CNTLN: variants seen among roughly 807,000 people sequenced by gnomAD.
CNTLN encodes the protein centlein, centrosomal protein.
Under a neutral mutation model 180.0 loss-of-function variants are expected in CNTLN, and 212 were observed. The ratio of observed to expected loss-of-function variants is 1.18; its 90% CI spans 1.05 to 1.32. CNTLN has a LOEUF of 1.32. Ranked by LOEUF, CNTLN falls within the 40% of genes most tolerant of loss-of-function variation. The pLI is 0.00. For synonymous variants in CNTLN, 722 were observed against 563.1 expected, an observed-to-expected ratio of 1.28 and a Z score of -3.99; for missense variants, 2,095 against 1,610.9, an observed-to-expected ratio of 1.30 and a Z score of -5.14.
chr9:17,266,835 G>C (rs151087057), intron 5 of CNTLN, among the ~76,000 whole-genome samples: 33 of 152,206 alleles, frequency 2.2e-4, no homozygotes, highest in African/African-American at 7.7e-4. Flanking sequence ...TTTGAAGTCT[G>C]TTTTATCAGA....
chr9:17,140,808 A>G (rs962838899), intron 1 of CNTLN, among the ~76,000 whole-genome samples: 1 of 152,206 alleles, frequency 6.6e-6, no homozygotes, highest in Admixed American at 6.5e-5. Flanking sequence ...GTTGTATGCC[A>G]TAAATATATG....
chr9:17,477,320 T>A (rs1020933350), intron 23 of CNTLN, among the ~76,000 whole-genome samples: 7 of 152,224 alleles, frequency 4.6e-5, no homozygotes, highest in African/African-American at 1.7e-4. Context: ...CTTCAGCTCA[T>A]GTTTCAAGGA....
At chr9:17,519,721 C>G in the CNTLN span, among the ~76,000 whole-genome samples, 1 of 152,156 alleles carries the variant, frequency 6.6e-6, no homozygotes, top group African/African-American at 2.4e-5. Context: ...TTCCAACAAT[C>G]TCAGGAAACC....
At chr9:17,358,957 TAGG>T (rs1823073227) in intron 12 of CNTLN, among the ~76,000 whole-genome samples, 1 of 152,122 alleles carries the variant, frequency 6.6e-6, no homozygotes, top group African/African-American at 2.4e-5. Flanking sequence ...GAGGAAAACA[TAGG>T]AGAACATCTT....
chr9:17,314,131 G>A (rs1391111821), intron 8 of CNTLN, among the ~76,000 whole-genome samples: 1 of 152,138 alleles, frequency 6.6e-6, no homozygotes, highest in African/African-American at 2.4e-5. Flanking sequence ...TTTCTGTTAT[G>A]CCCAACTTGC....
chr9:17,217,838 C>G (rs1325492102), intron 2 of CNTLN, among the ~76,000 whole-genome samples: 1 of 152,108 alleles, frequency 6.6e-6, no homozygotes, highest in Non-Finnish European at 1.5e-5. Context: ...CACTTAATTT[C>G]TAACTATAAA....
At chr9:17,457,993 C>T (rs556682579) in intron 19 of CNTLN, among the ~76,000 whole-genome samples, 33 of 151,980 alleles carry the variant, frequency 2.2e-4, no homozygotes, top group East Asian at 3.9e-4. Context: ...TCTTTCTGCC[C>T]CCATGCCTCC....
At chr9:17,282,040 G>T (rs1341649781) in intron 6 of CNTLN, among the ~76,000 whole-genome samples, 1 of 152,238 alleles carries the variant, frequency 6.6e-6, no homozygotes. Context: ...TCGGCTCACT[G>T]CAACTTATGC....
At chr9:17,299,834 T>C in intron 7 of CNTLN, 5 of 982,538 alleles carry the variant, frequency 5.1e-6, no homozygotes, top group Non-Finnish European at 6.0e-6. Context: ...ATTTTTTTTC[T>C]GTTGCTTGAA....
At chr9:17,271,083 TG>T (rs1444892135) in intron 5 of CNTLN, among the ~76,000 whole-genome samples, 1 of 151,710 alleles carries the variant, frequency 6.6e-6, no homozygotes, top group East Asian at 2.0e-4. Context: ...CCGGAGTAGC[TG>T]GGACTACAGG....
At chr9:17,288,348 TTTGA>T (rs1829130523) in intron 6 of CNTLN, among the ~76,000 whole-genome samples, 2 of 119,004 alleles carry the variant, frequency 1.7e-5, no homozygotes, top group Non-Finnish European at 3.4e-5. Flanking sequence ...TGAGTTCTAG[TTTGA>T]TTGCACTGCG....
intron 5 of CNTLN, among the ~76,000 whole-genome samples, chr9:17,241,058 T>C (rs951443398): frequency 1.3e-5 from 2 of 151,932 alleles, no homozygotes; most frequent in Admixed American, 6.6e-5. Context: ...CGGGGTTTCA[T>C]CGTGTTAGCC....
chr9:17,284,471 C>A (rs536210766), intron 6 of CNTLN, among the ~76,000 whole-genome samples: 1 of 152,160 alleles, frequency 6.6e-6, no homozygotes, highest in East Asian at 1.9e-4. Context: ...TTTAGCTTCT[C>A]CCTGGCTCAG....
chr9:17,138,959 T>A (rs1817897429), intron 1 of CNTLN, among the ~76,000 whole-genome samples: 1 of 152,194 alleles, frequency 6.6e-6, no homozygotes, highest in Non-Finnish European at 1.5e-5. Context: ...TAGTATTTAG[T>A]CAACTGTTTC....
intron 18 of CNTLN, among the ~76,000 whole-genome samples, chr9:17,453,404 A>G (rs1298534489): frequency 6.6e-6 from 1 of 152,210 alleles, no homozygotes; most frequent in Non-Finnish European, 1.5e-5. Context: ...CAGAGTGAGA[A>G]TATTATATAA....
At chr9:17,518,036 C>CTTTTTTTTTTTTTT in the CNTLN span, among the ~76,000 whole-genome samples, 14 of 69,242 alleles carry the variant, frequency 2.0e-4, no homozygotes, top group South Asian at 7.5e-4. Context: ...TTTTCTTTTC[C>CTTTTTTTTTTTTTT]TTTTTTTTTT....
At chr9:17,455,119 T>C (rs939800871) in intron 18 of CNTLN, among the ~76,000 whole-genome samples, 2 of 152,166 alleles carry the variant, frequency 1.3e-5, no homozygotes, top group Non-Finnish European at 2.9e-5. Flanking sequence ...AAGTAAGAAG[T>C]AGAATTTTTT....
At chr9:17,352,411 TATA>T (rs1332861133) in intron 12 of CNTLN, among the ~76,000 whole-genome samples, 35 of 32,402 alleles carry the variant, frequency 1.1e-3, no homozygotes, top group Admixed American at 1.7e-3. Context: ...TATATATATA[TATA>T]TATTTTTTTT....
chr9:17,392,948 G>T (rs1469069231), intron 14 of CNTLN, among the ~76,000 whole-genome samples: 2 of 152,076 alleles, frequency 1.3e-5, no homozygotes, highest in Non-Finnish European at 2.9e-5. Flanking sequence ...TATATTTCTG[G>T]AATATTATTA....
Sources: gnomAD v4.1 joint callset for allele counts (sites outside exome capture counted in the v4.1 genomes callset) on GRCh38, gnomAD v4.1.1 for gene constraint, MANE v1.5 for transcripts, NCBI Gene and HGNC (gene_info 2026-07-23, HGNC 2026-07-21) for gene names.